The following ANXA8 variants were observed in gnomAD, a reference collection of about 807,000 sequenced individuals.
ANXA8 encodes VAC-beta.
Under a neutral mutation model 26.8 loss-of-function variants are expected in ANXA8, and 9 were observed. The observed-to-expected ratio is 0.34, with a 90% CI of 0.20 to 0.59. The LOEUF is 0.59. Among genes scored for constraint, ANXA8 ranks in the 20% least tolerant of loss-of-function variants. ANXA8 has a pLI of 0.84. For missense variants in ANXA8, 83 were observed against 238.5 expected (o/e 0.35, Z 4.29); for synonymous variants, 39 against 94.8 (o/e 0.41, Z 3.42).
At chr10:47,658,517 T>C in the ANXA8 span, among the ~76,000 whole-genome samples, 1 of 146,862 alleles carries the variant, frequency 6.8e-6, no homozygotes, top group South Asian at 2.1e-4. Flanking sequence ...ATAACCTAAG[T>C]GTGGATAATT....
At chr10:47,970,332 G>A in the ANXA8 span, 1 of 151,364 alleles carries the variant, frequency 6.6e-6, no homozygotes, top group Non-Finnish European at 1.5e-5. Context: ...AATCAGGGCT[G>A]ACTGAGCAGC....
At chr10:47,597,677 AAAG>A in the ANXA8 span, among the ~76,000 whole-genome samples, 2 of 138,906 alleles carry the variant, frequency 1.4e-5, no homozygotes, top group African/African-American at 5.8e-5. Flanking sequence ...AAAAAAAAAA[AAAG>A]AAATACTTAG....
chr10:47,973,722 G>T, the ANXA8 span, among the ~76,000 whole-genome samples: 1 of 151,034 alleles, frequency 6.6e-6, no homozygotes, highest in African/African-American at 2.4e-5. Flanking sequence ...CACTCAGGGT[G>T]AGGCTACCTG....
At chr10:47,658,934 T>C in the ANXA8 span, among the ~76,000 whole-genome samples, 11 of 148,730 alleles carry the variant, frequency 7.4e-5, no homozygotes, top group East Asian at 1.7e-3. Context: ...TGCAGTGGCA[T>C]GGTCTCGGCT....
chr10:47,649,273 A>G, the ANXA8 span, among the ~76,000 whole-genome samples: 228 of 151,458 alleles, frequency 1.5e-3, 3 homozygotes, highest in Non-Finnish European at 2.3e-3. Context: ...CATAAACCCT[A>G]TTTATTTATC....
chr10:47,595,615 C>T, the ANXA8 span, among the ~76,000 whole-genome samples: 1 of 149,158 alleles, frequency 6.7e-6, no homozygotes, highest in African/African-American at 2.6e-5. Flanking sequence ...TTTCTATTCT[C>T]ATATCAGAGA....
chr10:47,565,220 C>T, the ANXA8 span: 2 of 610,654 alleles, frequency 3.3e-6, no homozygotes, highest in South Asian at 1.9e-5. Context: ...GGAGCCTCCC[C>T]CCAGCCCTGC....
At chr10:47,548,254 G>C in the ANXA8 span, among the ~76,000 whole-genome samples, 1 of 146,578 alleles carries the variant, frequency 6.8e-6, no homozygotes, top group African/African-American at 2.5e-5. Context: ...AAAAAACAAG[G>C]TATCTGTCAC....
At chr10:47,980,437 A>G in the ANXA8 span, among the ~76,000 whole-genome samples, 55 of 151,562 alleles carry the variant, frequency 3.6e-4, no homozygotes, top group Admixed American at 3.6e-3. Flanking sequence ...GAAATAAATA[A>G]AACGGAATAG....
chr10:47,672,698 C>T, the ANXA8 span, among the ~76,000 whole-genome samples: 1 of 151,884 alleles, frequency 6.6e-6, no homozygotes, highest in African/African-American at 2.4e-5. Flanking sequence ...GAGATCTGGT[C>T]AATCTTTAGA....
chr10:47,647,705 A>T, the ANXA8 span, among the ~76,000 whole-genome samples: 4 of 134,614 alleles, frequency 3.0e-5, no homozygotes, highest in Non-Finnish European at 4.4e-5. Flanking sequence ...CTGAAGCAAA[A>T]TATATATAAT....
At chr10:47,580,548 C>A in the ANXA8 span, among the ~76,000 whole-genome samples, 1 of 150,598 alleles carries the variant, frequency 6.6e-6, no homozygotes, top group Admixed American at 6.6e-5. Flanking sequence ...CCAGGCTGGG[C>A]AACATGGTAA....
chr10:47,627,377 T>A, the ANXA8 span, among the ~76,000 whole-genome samples: 1 of 150,256 alleles, frequency 6.7e-6, no homozygotes, highest in African/African-American at 2.5e-5. Context: ...TTTTTACTTC[T>A]TGAAGTTTCT....
the ANXA8 span, among the ~76,000 whole-genome samples, chr10:47,755,555 CTTTTTTTTTTT>C: frequency 8.4e-5 from 7 of 82,988 alleles, no homozygotes; most frequent in Middle Eastern, 0.01. Flanking sequence ...GTGCCCGGCC[CTTTTTTTTTTT>C]TTTTTTTTTT....
chr10:47,565,691 G>GGAGC, the ANXA8 span: 1 of 438,796 alleles, frequency 2.3e-6, no homozygotes, highest in Non-Finnish European at 3.8e-6. Context: ...GGACGCCACC[G>GGAGC]CTCGACTCCC....
At chr10:47,975,355 T>A in the ANXA8 span, among the ~76,000 whole-genome samples, 1 of 148,896 alleles carries the variant, frequency 6.7e-6, no homozygotes, top group South Asian at 2.1e-4. Context: ...TTGCTATCTT[T>A]GCACTGGGCA....
chr10:47,743,132 C>G, the ANXA8 span, among the ~76,000 whole-genome samples: 1 of 133,940 alleles, frequency 7.5e-6, no homozygotes, highest in Non-Finnish European at 1.6e-5. Flanking sequence ...GATCAGGCCA[C>G]TGCACTCCAG....
the ANXA8 span, among the ~76,000 whole-genome samples, chr10:47,711,019 A>C: frequency 6.7e-6 from 1 of 149,556 alleles, no homozygotes; most frequent in African/African-American, 2.5e-5. Flanking sequence ...TAAACATTTA[A>C]TTCTGGAGAA....
chr10:47,898,811 ATTTTTTTTTTTTTT>A, the ANXA8 span, among the ~76,000 whole-genome samples: 652 of 56,270 alleles, frequency 0.012, 5 homozygotes, highest in South Asian at 0.019. Context: ...AAGAGAATGG[ATTTTTTTTTTTTTT>A]TTTTTTTTTT....
Sources: gnomAD v4.1 joint callset for allele counts (sites outside exome capture counted in the v4.1 genomes callset) on GRCh38, gnomAD v4.1.1 for gene constraint, MANE v1.5 for transcripts, NCBI Gene and HGNC (gene_info 2026-07-23, HGNC 2026-07-21) for gene names.